The following PPP1R3A variants were observed in gnomAD, a reference collection of about 807,000 sequenced individuals.
PPP1R3A encodes protein phosphatase 1 regulatory subunit 3A.
A neutral mutation model predicts 41.7 loss-of-function variants in PPP1R3A; 29 were observed. The observed-to-expected ratio is 0.70, with a 90% CI of 0.52 to 0.95. The LOEUF is 0.95. PPP1R3A is among the 40% of genes least tolerant of loss of function. The pLI is 0.00. For synonymous variants in PPP1R3A, 485 were observed against 453.4 expected (o/e 1.07, Z -0.89); for missense variants, 1,352 against 1,292.4 (o/e 1.05, Z -0.71).
rs1186643727 is a variant in PPP1R3A, at chr7:113,877,021, A to G, written c.*702T>C. 2.0e-5 allele frequency: 3 copies of G among 151,950 alleles called. No individual in the cohort carries two copies. The highest frequency in any genetic ancestry group is 4.4e-5 in the Non-Finnish European group (3 of 67,932). The allele number at this position is 151,950 out of a possible 1,614,324, so 9.4% of individuals were successfully genotyped here. On this transcript the variant is annotated 3_prime_UTR_variant, in exon 4 of 4. Transcript: ENST00000284601. ...AGCATTGCTTAAAGACAGGCCACCC[A>G]CAGAATTTTTCAGAATTGAAAGATA...
At position 113,879,359 on chromosome 7, in the gene PPP1R3A, G is replaced by A; in HGVS notation, c.1733C>T (p.Thr578Ile). ...CCTTGGTGAATGAGACACATCTGCT[G>A]TGATTGCCCGGGTGGGGATTGCGGT... Reference protein sequence around the residue: ...EHTAIPTRAITADVSHSPRTN... With the variant: ...EHTAIPTRAIIADVSHSPRTN... Residue 578 changes from threonine to isoleucine, a missense_variant, in exon 4 of 4, where the codon ACA (threonine) becomes ATA (isoleucine). By Grantham distance (89) the Thr-to-Ile change is moderately conservative (BLOSUM62 -1). Transcript: ENST00000284601. 1 of 1,613,606 alleles carries A rather than the reference G, an allele frequency of 6.2e-7. No homozygotes were observed. Among genetic ancestry groups the A allele is most frequent in the South Asian group, 1.1e-5 (1 of 91,078 alleles).
chr7:113,881,997 T>C (rs780993313), intron 3 of PPP1R3A, 42 bp downstream of exon 3: 4 of 1,608,562 alleles, frequency 2.5e-6, no homozygotes, highest in Non-Finnish European at 3.4e-6. Context: ...GAAGCAGAAA[T>C]GGATTCATCT....
chr7:113,890,264 T>C (rs1481145714), intron 1 of PPP1R3A, among the ~76,000 whole-genome samples: 1 of 152,116 alleles, frequency 6.6e-6, no homozygotes, highest in African/African-American at 2.4e-5. Context: ...AATGACCTGG[T>C]ACAAATGCTA....
chr7:113,893,961 AC>A (rs1167758738), intron 1 of PPP1R3A, among the ~76,000 whole-genome samples: 2 of 151,948 alleles, frequency 1.3e-5, no homozygotes, highest in African/African-American at 2.4e-5. Flanking sequence ...TTCAGTTCCT[AC>A]CAAGGATAAC....
Position 113,903,475 on chromosome 7 carries a change from A to T in PPP1R3A, c.782+14740T>A, listed in dbSNP as rs1223411089. Among the ~76,000 whole-genome samples the T allele has an allele frequency of 4.0e-5, 6 of 151,780 alleles. No individual in the cohort carries two copies. The East Asian group carries it at 7.8e-4, about 20-fold the overall frequency. ...TATGAACACAGAAACAATTATTTAA[A>T]CTATGAGGTCCCCAAAATATGCCCT... On this transcript the variant is annotated intron_variant, in intron 1 of 3. Transcript: ENST00000284601.
At chr7:113,894,739 T>A (rs1284515446) in intron 1 of PPP1R3A, among the ~76,000 whole-genome samples, 1 of 151,942 alleles carries the variant, frequency 6.6e-6, no homozygotes, top group Admixed American at 6.6e-5. Flanking sequence ...GTTAACTAAT[T>A]CCATTTCAAC....
intron 1 of PPP1R3A, among the ~76,000 whole-genome samples, chr7:113,912,738 T>C (rs1432327847): frequency 1.3e-5 from 2 of 151,990 alleles, no homozygotes; most frequent in Non-Finnish European, 2.9e-5. Flanking sequence ...AGGAGCATTT[T>C]TGGCTCAGAA....
intron 1 of PPP1R3A, among the ~76,000 whole-genome samples, chr7:113,908,578 A>G (rs1797184775): frequency 6.6e-6 from 1 of 151,980 alleles, no homozygotes. Flanking sequence ...TGTAGATACA[A>G]TATTAACCTT....
intron 1 of PPP1R3A, among the ~76,000 whole-genome samples, chr7:113,898,963 AATC>A (rs1438366511): frequency 6.6e-6 from 1 of 151,796 alleles, no homozygotes; most frequent in African/African-American, 2.4e-5. Context: ...ATTAAAATGT[AATC>A]ATCAGGAAGG....
At chr7:113,893,599 G>A (rs1485853208) in intron 1 of PPP1R3A, among the ~76,000 whole-genome samples, 2 of 151,984 alleles carry the variant, frequency 1.3e-5, no homozygotes, top group Admixed American at 1.3e-4. Context: ...ATTTTAAAAT[G>A]TGACTATAAA....
chr7:113,882,520 A>C (rs1796711711), intron 1 of PPP1R3A, among the ~76,000 whole-genome samples, 200 bp from the exon 2 acceptor site: 4 of 151,994 alleles, frequency 2.6e-5, no homozygotes, highest in African/African-American at 9.7e-5. Context: ...TTGTAGAAAA[A>C]TTTAAAAGTA....
Position 113,876,838 on chromosome 7 carries a change from T to C in PPP1R3A, c.*885A>G, listed in dbSNP as rs551443037. On this transcript the variant is annotated 3_prime_UTR_variant, in exon 4 of 4. Transcript: ENST00000284601. ...CAAAAATACAATGTGGAACAAATAG[T>C]CCATTTGGAATTTTTATTGTCATTT... is the stretch of plus-strand genomic sequence containing the variant. 1 of 152,272 alleles carries C rather than the reference T, an allele frequency of 6.6e-6. No homozygotes were observed. The highest frequency in any genetic ancestry group is 2.4e-5 in the African/African-American group (1 of 41,548). The allele number at this position is 152,272 out of a possible 1,614,324, so 9.4% of individuals were successfully genotyped here.
At chr7:113,905,379 T>C (rs1192511436) in intron 1 of PPP1R3A, among the ~76,000 whole-genome samples, 1 of 151,740 alleles carries the variant, frequency 6.6e-6, no homozygotes, top group Non-Finnish European at 1.5e-5. Flanking sequence ...AGCAATCAGC[T>C]ACAAACTAAA....
intron 1 of PPP1R3A, among the ~76,000 whole-genome samples, chr7:113,913,462 T>G (rs1029254622): frequency 6.6e-6 from 1 of 152,262 alleles, no homozygotes; most frequent in East Asian, 1.9e-4. Context: ...CGTACCTGGT[T>G]TTTTTCCTAC....
At chr7:113,918,078 A>T in intron 1 of PPP1R3A, 137 bp downstream of exon 1, 1 of 832,620 alleles carries the variant, frequency 1.2e-6, no homozygotes, top group Non-Finnish European at 1.8e-6. Context: ...TGACCTTGTT[A>T]AAGCCTGGCA....
chr7:113,890,761 GC>G (rs1796866841), intron 1 of PPP1R3A, among the ~76,000 whole-genome samples: 1 of 151,884 alleles, frequency 6.6e-6, no homozygotes, highest in Non-Finnish European at 1.5e-5. Flanking sequence ...AAATAAGTAA[GC>G]AAAAATAATT....
chr7:113,891,084 C>CAAAAAAAAAAAAAAA (rs11342726), intron 1 of PPP1R3A, among the ~76,000 whole-genome samples: 1 of 79,790 alleles, frequency 1.3e-5, no homozygotes, highest in African/African-American at 5.2e-5. Context: ...GGAAAAAAAG[C>CAAAAAAAAAAAAAAA]AAAAAAAAAA....
chr7:113,879,448 A>T lies in PPP1R3A; in HGVS notation c.1644T>A (p.Pro548=). The part of the protein sequence containing the change: ...LHDQERKMGN[P]KISVAGIGAS... ...CTCCAATCCCTGCCACACTTATTTT[A>T]GGGTTACCCATCTTCCTTTCTTGGT... The change falls in exon 4 of 4, where the codon CCT becomes CCA. Residue 548 remains proline (P), a synonymous_variant. Transcript: ENST00000284601. The T allele has an allele frequency of 6.2e-7, 1 of 1,613,442 alleles. No individual in the cohort carries two copies. Among genetic ancestry groups the T allele is most frequent in the Non-Finnish European group, 8.5e-7 (1 of 1,179,700 alleles).
intron 1 of PPP1R3A, among the ~76,000 whole-genome samples, chr7:113,903,608 C>G (rs1797100228): frequency 6.6e-6 from 1 of 151,688 alleles, no homozygotes; most frequent in Admixed American, 6.6e-5. Context: ...GGAAATCATA[C>G]TCAATACGAT....
Sources: gnomAD v4.1 joint callset for allele counts (sites outside exome capture counted in the v4.1 genomes callset) on GRCh38, gnomAD v4.1.1 for gene constraint, MANE v1.5 for transcripts, NCBI Gene and HGNC (gene_info 2026-07-23, HGNC 2026-07-21) for gene names.